Variants in PLEKHG1 observed in about 807,000 individuals in gnomAD.
PLEKHG1 encodes pleckstrin homology and RhoGEF domain containing G1.
PLEKHG1 carries 44 observed loss-of-function variants against 100.8 expected under a neutral mutation model. The ratio of observed to expected loss-of-function variants is 0.44; its 90% CI spans 0.34 to 0.56. The LOEUF is 0.56. PLEKHG1 is among the 20% of genes least tolerant of loss of function. PLEKHG1 has a pLI of 0.01. For synonymous variants in PLEKHG1, 640 were observed against 662.5 expected, an observed-to-expected ratio of 0.97 and a Z score of 0.52; for missense variants, 1,545 against 1,720.9, an observed-to-expected ratio of 0.90 and a Z score of 1.81.
At chr6:150,629,950 C>A (rs1467642017) in intron 1 of PLEKHG1, among the ~76,000 whole-genome samples, 1 of 152,074 alleles carries the variant, frequency 6.6e-6, no homozygotes, top group African/African-American at 2.4e-5. Flanking sequence ...TACAATTAGA[C>A]AAAGAATATT....
In PLEKHG1 at chr6:150,737,974, T is replaced by G. The variant is rs545457159; in HGVS notation, c.411+3882T>G. ...GCACACCACCACACCTTGCTAAGTT[T>G]TTTTTTTTTTTTTAATTTTTGTAGA... On this transcript the variant is annotated intron_variant, in intron 2 of 15. Transcript: ENST00000358517. Among the ~76,000 whole-genome samples, 44 of 149,560 alleles carry G rather than the reference T, an allele frequency of 2.9e-4. 1 individual carries two copies. The highest frequency in any genetic ancestry group is 2.1e-3 in the Admixed American group (32 of 15,128).
rs13215572 is a variant in PLEKHG1, at chr6:150,776,534, T to C, written c.512+7796T>C. Among the ~76,000 whole-genome samples, 35 of 117,920 alleles carry C rather than the reference T, an allele frequency of 3.0e-4. 2 individuals carry two copies. Among genetic ancestry groups the C allele is most frequent in the Middle Eastern group, 5.2e-3 (1 of 192 alleles). 77.4% of individuals were successfully genotyped at this position (117,920 alleles called of 152,430 possible). A position where few individuals can be genotyped will look rare whatever the true frequency, so the allele number is the denominator to read the frequency against. On this transcript the variant is annotated intron_variant, in intron 3 of 15. Transcript: ENST00000358517. ...CTGATGCAATCCTGGTGCACATGTG[T>C]GGTTGCACATTACTCACACTGATGC...
At chr6:150,629,708 C>T (rs933108642) in intron 1 of PLEKHG1, among the ~76,000 whole-genome samples, 5 of 152,174 alleles carry the variant, frequency 3.3e-5, no homozygotes, top group African/African-American at 9.7e-5. Flanking sequence ...ATCCGCCTGC[C>T]TCGGTCTCCC....
At chr6:150,762,170 C>T (rs1368054213) in intron 2 of PLEKHG1, among the ~76,000 whole-genome samples, 1 of 151,904 alleles carries the variant, frequency 6.6e-6, no homozygotes. Flanking sequence ...CTTTCTTCCC[C>T]CTTTGTCTTC....
At chr6:150,685,845 G>C (rs999949557) in intron 3 of PLEKHG1, among the ~76,000 whole-genome samples, 4 of 152,110 alleles carry the variant, frequency 2.6e-5, no homozygotes, top group Non-Finnish European at 5.9e-5. Flanking sequence ...AACTAGGGAA[G>C]GGGGGAAAAA....
At chr6:150,644,334 G>GGTTTTTTTTTTTTTTT (rs1554255840) in intron 2 of PLEKHG1, among the ~76,000 whole-genome samples, 93 of 117,592 alleles carry the variant, frequency 7.9e-4, no homozygotes, top group South Asian at 1.5e-3. Flanking sequence ...TTCTTTTCGT[G>GGTTTTTTTTTTTTTTT]TTTTTTTTTT....
chr6:150,724,003 C>A, intron 1 of PLEKHG1, among the ~76,000 whole-genome samples: 1 of 152,216 alleles, frequency 6.6e-6, no homozygotes, highest in East Asian at 1.9e-4. Flanking sequence ...CTGTGTATCA[C>A]TGCGGTCTCA....
intron 2 of PLEKHG1, among the ~76,000 whole-genome samples, chr6:150,648,606 G>A (rs989378720): frequency 2.6e-5 from 4 of 152,016 alleles, no homozygotes; most frequent in Non-Finnish European, 5.9e-5. Flanking sequence ...ACTTTATTGA[G>A]GGTTCTTACA....
intron 10 of PLEKHG1, among the ~76,000 whole-genome samples, chr6:150,817,936 T>TC (rs1776076396): frequency 2.0e-5 from 3 of 152,178 alleles, no homozygotes; most frequent in Admixed American, 6.6e-5. Flanking sequence ...CCTCCCTCCC[T>TC]CCTCTTTCAC....
intron 2 of PLEKHG1, among the ~76,000 whole-genome samples, chr6:150,736,431 T>G (rs1306391125): frequency 6.6e-6 from 1 of 152,168 alleles, no homozygotes; most frequent in Non-Finnish European, 1.5e-5. Context: ...TAGCTGAGAG[T>G]GATCACTGCA....
At chr6:150,716,974 C>T (rs1582994088), upstream of PLEKHG1, among the ~76,000 whole-genome samples, 1 of 152,256 alleles carries the variant, frequency 6.6e-6, no homozygotes, top group East Asian at 1.9e-4. Context: ...ACCTCAGCCT[C>T]CCAAGTAACT....
At chr6:150,790,629 C>T (rs1562521285) in intron 4 of PLEKHG1, among the ~76,000 whole-genome samples, 2 of 152,124 alleles carry the variant, frequency 1.3e-5, no homozygotes, top group African/African-American at 2.4e-5. Flanking sequence ...ATGTTTGTTA[C>T]TGCAAAAGAC....
chr6:150,822,607 A>T (rs1178411), intron 13 of PLEKHG1, among the ~76,000 whole-genome samples: 28,770 of 152,252 alleles, frequency 0.19, 2,996 homozygotes, highest in Middle Eastern at 0.25. Context: ...TCAAAAATAA[A>T]GAAGATCTCT....
At chr6:150,757,561 A>ATGTGTGTG (rs141610846) in intron 2 of PLEKHG1, among the ~76,000 whole-genome samples, 1 of 150,152 alleles carries the variant, frequency 6.7e-6, no homozygotes, top group African/African-American at 2.4e-5. Context: ...GCACACAAGT[A>ATGTGTGTG]TGTGTGTGTG....
At chr6:150,786,047 A>G (rs1331661191) in intron 3 of PLEKHG1, among the ~76,000 whole-genome samples, 1 of 151,658 alleles carries the variant, frequency 6.6e-6, no homozygotes, top group Non-Finnish European at 1.5e-5. Flanking sequence ...TGTTCCTAGT[A>G]CAGGTACACT....
chr6:150,606,534 C>T (rs950269445), intron 1 of PLEKHG1, among the ~76,000 whole-genome samples: 3 of 152,136 alleles, frequency 2.0e-5, no homozygotes, highest in Non-Finnish European at 4.4e-5. Context: ...CCCCATCCTC[C>T]TCCCTGTTTA....
At chr6:150,797,696 G>C (rs1266649267) in intron 5 of PLEKHG1, among the ~76,000 whole-genome samples, 1 of 151,480 alleles carries the variant, frequency 6.6e-6, no homozygotes, top group Admixed American at 6.6e-5. Context: ...TTAGTCAGAC[G>C]TGGTGGCACA....
chr6:150,821,555 G>T (rs949706529), intron 13 of PLEKHG1, among the ~76,000 whole-genome samples: 1 of 151,442 alleles, frequency 6.6e-6, no homozygotes, highest in Non-Finnish European at 1.5e-5. Context: ...CCAGTGGCTC[G>T]TGCCTGTAAT....
chr6:150,806,829 C>CA lies in PLEKHG1; in HGVS notation c.912+2110dup, dbSNP rs3072754. On this transcript the variant is annotated intron_variant, in intron 7 of 15. Coordinates refer to ENST00000358517, the Ensembl canonical transcript of PLEKHG1. ...TGGGAGACAGAGCAAGACTCCATCT[C>CA]AAAAAAAAAAAAAAAAAAAAAATGA... Among the ~76,000 whole-genome samples, 267 of 89,980 alleles carry CA rather than the reference C, an allele frequency of 3.0e-3. 6 individuals carry two copies. The highest frequency in any genetic ancestry group is 0.019 in the Middle Eastern group (3 of 154). 59.0% of individuals were successfully genotyped at this position (89,980 alleles called of 152,430 possible).
Sources: allele counts gnomAD v4.1 joint callset (sites outside exome capture counted in the v4.1 genomes callset), GRCh38; gene constraint gnomAD v4.1.1; transcripts MANE v1.5; gene names NCBI Gene and HGNC (gene_info 2026-07-23, HGNC 2026-07-21).